WWOX: variants seen among roughly 807,000 people sequenced by gnomAD.
WWOX encodes the protein WW domain-containing oxidoreductase.
In WWOX, 69 loss-of-function variants were observed where a neutral mutation model predicts 46.2. The ratio of observed to expected loss-of-function variants is 1.49; its 90% CI spans 1.23 to 1.82. The LOEUF is 1.82. WWOX is among the 40% of genes most tolerant of loss of function. WWOX has a pLI of 0.00. For missense variants in WWOX, 919 were observed against 542.6 expected, an observed-to-expected ratio of 1.69 and a Z score of -6.89; for synonymous variants, 359 against 202.6, an observed-to-expected ratio of 1.77 and a Z score of -6.56.
At chr16:78,372,048 A>G (rs1343583260) in intron 5 of WWOX, among the ~76,000 whole-genome samples, 2 of 152,090 alleles carry the variant, frequency 1.3e-5, no homozygotes, top group African/African-American at 4.8e-5. Context: ...CCACTGGCCA[A>G]CTCTAAGTCT....
intron 8 of WWOX, among the ~76,000 whole-genome samples, chr16:78,754,438 G>T (rs2049583316): frequency 6.6e-6 from 1 of 152,072 alleles, no homozygotes. Flanking sequence ...TGAAGAGTTT[G>T]GCACCGGATT....
At chr16:79,069,941 G>C (rs1800690646) in intron 8 of WWOX, among the ~76,000 whole-genome samples, 1 of 152,170 alleles carries the variant, frequency 6.6e-6, no homozygotes, top group East Asian at 1.9e-4. Context: ...AAACCTTTGT[G>C]TCACATATTT....
At chr16:78,120,911 C>T (rs573129646) in intron 4 of WWOX, among the ~76,000 whole-genome samples, 1 of 152,216 alleles carries the variant, frequency 6.6e-6, no homozygotes, top group Non-Finnish European at 1.5e-5. Flanking sequence ...TACACCTTTG[C>T]TTCTTTGTTT....
intron 8 of WWOX, among the ~76,000 whole-genome samples, chr16:78,539,289 A>C (rs1425393226): frequency 6.6e-6 from 1 of 152,254 alleles, no homozygotes; most frequent in Non-Finnish European, 1.5e-5. Flanking sequence ...GCCTTGTCCT[A>C]CTGGTAAAGG....
chr16:79,006,008 T>C (rs1167603045), intron 8 of WWOX, among the ~76,000 whole-genome samples: 2 of 152,124 alleles, frequency 1.3e-5, no homozygotes, highest in African/African-American at 2.4e-5. Flanking sequence ...TCTGCAACCA[T>C]TTGCGGTCAC....
chr16:78,688,897 G>C (rs1408863002), intron 8 of WWOX, among the ~76,000 whole-genome samples: 2 of 152,144 alleles, frequency 1.3e-5, no homozygotes, highest in Non-Finnish European at 2.9e-5. Context: ...CACAAGATTT[G>C]ATGGTTTTAT....
At chr16:78,309,753 T>C (rs952932051) in intron 5 of WWOX, among the ~76,000 whole-genome samples, 6 of 152,214 alleles carry the variant, frequency 3.9e-5, no homozygotes, top group African/African-American at 1.4e-4. Context: ...ATGCTGTTAA[T>C]AAGAGAAATG....
chr16:78,573,240 C>T (rs112852676), intron 8 of WWOX, among the ~76,000 whole-genome samples: 6,359 of 152,046 alleles, frequency 0.042, 329 homozygotes, highest in African/African-American at 0.12. Context: ...GAGCCGAGAT[C>T]GTGCCACTGC....
At chr16:78,909,552 C>G (rs1264337882) in intron 8 of WWOX, among the ~76,000 whole-genome samples, 1 of 152,186 alleles carries the variant, frequency 6.6e-6, no homozygotes, top group Non-Finnish European at 1.5e-5. Context: ...AACCCTCAGC[C>G]TCTCTTTGGC....
At chr16:79,095,860 CTTT>C (rs775730124) in intron 8 of WWOX, among the ~76,000 whole-genome samples, 20 of 118,476 alleles carry the variant, frequency 1.7e-4, no homozygotes, top group African/African-American at 4.1e-4. Flanking sequence ...CTCTCTCTCT[CTTT>C]TTTTTTTTTT....
intron 8 of WWOX, among the ~76,000 whole-genome samples, chr16:78,653,614 G>A (rs2047015247): frequency 6.6e-6 from 1 of 152,234 alleles, no homozygotes; most frequent in Admixed American, 6.5e-5. Context: ...GCCAGCTTGG[G>A]TTTGGACAAC....
chr16:78,855,005 T>TA (rs971253217), intron 8 of WWOX, among the ~76,000 whole-genome samples: 4 of 152,042 alleles, frequency 2.6e-5, no homozygotes, highest in South Asian at 4.1e-4. Context: ...TTATTTTATT[T>TA]AAAAAAATCA....
At chr16:78,639,388 C>T (rs1403242875) in intron 8 of WWOX, among the ~76,000 whole-genome samples, 1 of 152,112 alleles carries the variant, frequency 6.6e-6, no homozygotes, top group African/African-American at 2.4e-5. Context: ...CCTGTGGGCT[C>T]AGAATTATTC....
chr16:78,517,571 C>G (rs1316261989), intron 8 of WWOX, among the ~76,000 whole-genome samples: 1 of 152,104 alleles, frequency 6.6e-6, no homozygotes, highest in African/African-American at 2.4e-5. Flanking sequence ...CTGTAACTGT[C>G]ATATTGTGGT....
At chr16:78,822,883 C>T (rs1166410051) in intron 8 of WWOX, among the ~76,000 whole-genome samples, 1 of 151,316 alleles carries the variant, frequency 6.6e-6, no homozygotes, top group African/African-American at 2.4e-5. Flanking sequence ...AAAAAGATTC[C>T]TAGCAAGAAA....
intron 5 of WWOX, among the ~76,000 whole-genome samples, chr16:78,380,917 T>C (rs1037333997): frequency 1.3e-5 from 2 of 152,234 alleles, no homozygotes; most frequent in East Asian, 3.9e-4. Context: ...ATAGCATATA[T>C]TGAGAGCCCA....
intron 8 of WWOX, among the ~76,000 whole-genome samples, chr16:78,932,637 C>G (rs573413009): frequency 1.5e-3 from 221 of 152,322 alleles, no homozygotes; most frequent in African/African-American, 4.8e-3. Context: ...GAAAGAGAAG[C>G]CTGCAGCTGC....
chr16:78,170,173 G>A (rs897563194), intron 5 of WWOX, among the ~76,000 whole-genome samples: 2 of 152,172 alleles, frequency 1.3e-5, no homozygotes, highest in Non-Finnish European at 2.9e-5. Flanking sequence ...TCTTGGGGGT[G>A]CAAATCGTCC....
intron 8 of WWOX, among the ~76,000 whole-genome samples, chr16:79,010,955 A>G (rs1440167327): frequency 6.6e-6 from 1 of 151,898 alleles, no homozygotes; most frequent in Non-Finnish European, 1.5e-5. Flanking sequence ...CTACTTGGAG[A>G]GAAATAGGGA....
Sources: gnomAD v4.1 joint callset for allele counts (sites outside exome capture counted in the v4.1 genomes callset) on GRCh38, gnomAD v4.1.1 for gene constraint, MANE v1.5 for transcripts, NCBI Gene and HGNC (gene_info 2026-07-23, HGNC 2026-07-21) for gene names.